TOMM70: variants seen among roughly 807,000 people sequenced by gnomAD.
TOMM70 encodes translocase of outer mitochondrial membrane 70.
A neutral mutation model predicts 73.6 loss-of-function variants in TOMM70; 13 were observed. That is an observed-to-expected ratio of 0.18 (90% CI 0.11 to 0.28). The LOEUF (loss-of-function observed/expected upper bound fraction) is 0.28. TOMM70 is among the 10% of genes least tolerant of loss of function. TOMM70 has a pLI of 1.00. For synonymous variants in TOMM70, 257 were observed against 271.2 expected (o/e 0.95, Z 0.51); for missense variants, 609 against 747.5 (o/e 0.81, Z 2.16).
At chr3:100,392,747 A>AT (rs1206515653) in intron 1 of TOMM70, among the ~76,000 whole-genome samples, 1 of 152,170 alleles carries the variant, frequency 6.6e-6, no homozygotes, top group Admixed American at 6.5e-5. Context: ...TAGAATAGAC[A>AT]TAAAAAGAAC....
chr3:100,378,213 A>G (rs556607910), intron 5 of TOMM70, among the ~76,000 whole-genome samples: 21 of 152,182 alleles, frequency 1.4e-4, no homozygotes, highest in African/African-American at 5.1e-4. Flanking sequence ...ACTGCATTCC[A>G]GCCTGGGAGA....
At position 100,375,158 on chromosome 3, in the gene TOMM70, T is replaced by C. The variant is rs774841593; in HGVS notation, c.1093-6A>G. On this transcript the variant is annotated splice_region_variant and splice_polypyrimidine_tract_variant and intron_variant, in intron 6 of 11. Transcript: ENST00000284320. ...ATGAGAGCATTTGCTCGAAGCTATA[T>C]ACCCCAAGTGAGGAAAGGTTCATCA... The C allele has an allele frequency of 6.3e-7, 1 of 1,581,572 alleles. No homozygotes were observed. Among genetic ancestry groups the C allele is most frequent in the South Asian group, 1.2e-5 (1 of 86,016 alleles).
rs746691413 is a variant in TOMM70 at position 100,400,707 on chromosome 3, G to A, written c.243C>T (p.Ser81=). 3 of 1,610,972 alleles carry A rather than the reference G, an allele frequency of 1.9e-6. No individual in the cohort carries two copies. The highest frequency in any genetic ancestry group is 2.2e-5 in the South Asian group (2 of 90,846). ...CCCTGCCCTCCGGGGTCTTCCGTTC[G>A]CTGTTGCGCTTCAGGCCGCTGGCGT... ...RGDASGLKRN[S]ERKTPEGRAS... The change falls in exon 1 of 12, where the codon AGC becomes AGT. Residue 81 remains serine, a synonymous_variant. Transcript: ENST00000284320.
At chr3:100,369,639 T>C (rs1706486764) in intron 9 of TOMM70, among the ~76,000 whole-genome samples, 1 of 152,070 alleles carries the variant, frequency 6.6e-6, no homozygotes, top group Non-Finnish European at 1.5e-5. Context: ...TAGCTGGGAC[T>C]ACAGGCGCCC....
At chr3:100,395,141 A>G (rs7626970) in intron 1 of TOMM70, among the ~76,000 whole-genome samples, 147,116 of 152,168 alleles carry the variant, frequency 0.97, 71,164 homozygotes, top group East Asian at 1. Flanking sequence ...AGGCCGAGGC[A>G]GGCAGAGCAT....
intron 11 of TOMM70, among the ~76,000 whole-genome samples, chr3:100,366,065 T>C (rs979795206): frequency 6.6e-6 from 1 of 152,220 alleles, no homozygotes; most frequent in Non-Finnish European, 1.5e-5. Context: ...CACAATTCCG[T>C]CTGGTTCCTA....
At chr3:100,373,060 T>C (rs1706527667) in intron 8 of TOMM70, among the ~76,000 whole-genome samples, 1 of 152,042 alleles carries the variant, frequency 6.6e-6, no homozygotes, top group Admixed American at 6.6e-5. Context: ...ACATAATTTC[T>C]TCCTTTAAAC....
At chr3:100,382,138 C>A (rs1394420779) in intron 4 of TOMM70, among the ~76,000 whole-genome samples, 1 of 152,106 alleles carries the variant, frequency 6.6e-6, no homozygotes, top group African/African-American at 2.4e-5. Flanking sequence ...GCATAGCCAC[C>A]CAATTCACAA....
chr3:100,391,215 G>C (rs1012730857), intron 1 of TOMM70, among the ~76,000 whole-genome samples: 1 of 152,010 alleles, frequency 6.6e-6, no homozygotes, highest in African/African-American at 2.4e-5. Context: ...CTGTGTTACT[G>C]GTTTATGTGT....
rs1163468735 is a variant in TOMM70, at chr3:100,373,553, C to T, written c.1320G>A (p.Gln440=). The T allele has an allele frequency of 5.6e-6, 9 of 1,606,626 alleles. No individual in the cohort carries two copies. Among genetic ancestry groups the T allele is most frequent in the Non-Finnish European group, 7.6e-6 (9 of 1,177,292 alleles). ...LRPESALAQA[Q]KCFALYRQAY... The stretch of plus-strand genomic sequence containing the variant: ...TAGTACCTACCAATGCAAAACATTT[C>T]TGTGCTTGTGCCAGAGCAGACTCAG... Residue 440 remains glutamine, a synonymous_variant, in exon 8 of 12, where the codon CAG becomes CAA. Transcript: ENST00000284320.
chr3:100,401,021 G>T lies in TOMM70; in HGVS notation c.-72C>A. On this transcript the variant is annotated 5_prime_UTR_variant, in exon 1 of 12. Coordinates refer to ENST00000284320, the MANE Select transcript of TOMM70 (RefSeq NM_014820.5). Reference sequence around the variant, plus strand: ...AATCACCAAACAGCGTGCGAAGGAAGACCGAGGGAGGGAAGGAAAGCAATG... The same window carrying T: ...AATCACCAAACAGCGTGCGAAGGAATACCGAGGGAGGGAAGGAAAGCAATG... The T allele has an allele frequency of 1.4e-6, 2 of 1,433,818 alleles. No individual in the cohort carries two copies. Among genetic ancestry groups the T allele is most frequent in the Non-Finnish European group, 1.9e-6 (2 of 1,062,342 alleles). The allele number at this position is 1,433,818 out of a possible 1,614,324, so 88.8% of individuals were successfully genotyped here. A position where few individuals can be genotyped will look rare whatever the true frequency, so the allele number is the denominator to read the frequency against.
intron 6 of TOMM70, among the ~76,000 whole-genome samples, chr3:100,375,885 T>C (rs776603421): frequency 2.6e-5 from 4 of 152,146 alleles, no homozygotes; most frequent in African/African-American, 7.2e-5. Flanking sequence ...CTTGGGTATA[T>C]ACCTAGGAGT....
At chr3:100,367,969 C>T (rs1706464488) in intron 11 of TOMM70, 75 bp downstream of exon 11, 2 of 1,435,558 alleles carry the variant, frequency 1.4e-6, no homozygotes, top group Non-Finnish European at 1.9e-6. Context: ...CAGACTTTAA[C>T]ATGTACGTAA....
At chr3:100,371,277 T>G (rs1333240930) in intron 9 of TOMM70, among the ~76,000 whole-genome samples, 1 of 148,606 alleles carries the variant, frequency 6.7e-6, no homozygotes, top group Admixed American at 6.7e-5. Flanking sequence ...TTTTTTTTTT[T>G]TTTTTTGGAA....
At chr3:100,392,441 A>G (rs905032449) in intron 1 of TOMM70, among the ~76,000 whole-genome samples, 6 of 152,130 alleles carry the variant, frequency 3.9e-5, no homozygotes, top group African/African-American at 1.4e-4. Flanking sequence ...TTTTTGAGAC[A>G]GAGTCTTGCT....
At chr3:100,367,983 GA>G (rs1290716279) in intron 11 of TOMM70, 60 bp downstream of exon 11, 2 of 1,536,818 alleles carry the variant, frequency 1.3e-6, no homozygotes, top group Non-Finnish European at 1.8e-6. Flanking sequence ...TACGTAATAA[GA>G]ACAAAAAGCT....
intron 1 of TOMM70, among the ~76,000 whole-genome samples, chr3:100,395,163 A>AT (rs1706808621): frequency 6.6e-6 from 1 of 152,022 alleles, no homozygotes; most frequent in Non-Finnish European, 1.5e-5. Context: ...AGGTCAGGAG[A>AT]TTGAGACCAT....
At position 100,363,952 on chromosome 3, in the gene TOMM70, A is replaced by C. The variant is rs1706420908; in HGVS notation, c.*1612T>G. The C allele has an allele frequency of 6.6e-6, 1 of 152,148 alleles. No homozygotes were observed. The highest frequency in any genetic ancestry group is 2.4e-5 in the African/African-American group (1 of 41,428). 9.4% of individuals were successfully genotyped at this position (152,148 alleles called of 1,614,324 possible). Reference sequence around the variant, plus strand: ...CTAAAAAAGATAGCATTTGTAGACAAATCTTTTTGGTTTCAACAGAATTAA... The same window carrying C: ...CTAAAAAAGATAGCATTTGTAGACACATCTTTTTGGTTTCAACAGAATTAA... On this transcript the variant is annotated 3_prime_UTR_variant, in exon 12 of 12. Transcript: ENST00000284320.
intron 9 of TOMM70, chr3:100,371,949 G>C (rs1213387126): frequency 6.6e-6 from 1 of 152,202 alleles, no homozygotes; most frequent in Non-Finnish European, 1.5e-5. Context: ...AGAGTATTGA[G>C]ATGGCTAGTT....
Sources: gnomAD v4.1 joint callset for allele counts (sites outside exome capture counted in the v4.1 genomes callset) on GRCh38, gnomAD v4.1.1 for gene constraint, MANE v1.5 for transcripts, NCBI Gene and HGNC (gene_info 2026-07-23, HGNC 2026-07-21) for gene names.